Variants in RAD23B observed in about 807,000 individuals in gnomAD.
RAD23B encodes lysine-specific demethylase RAD23B.
In RAD23B, 5 loss-of-function variants were observed where a neutral mutation model predicts 49.1. The observed-to-expected ratio is 0.10, with a 90% CI of 0.05 to 0.21. The LOEUF (loss-of-function observed/expected upper bound fraction) is 0.21, where lower values mean the gene tolerates loss of function less well. Among genes scored for constraint, RAD23B ranks in the 10% least tolerant of loss-of-function variants. RAD23B has a pLI of 1.00. For synonymous variants in RAD23B, 184 were observed against 165.4 expected (o/e 1.11, Z -0.86); for missense variants, 356 against 486.7 (o/e 0.73, Z 2.53).
At position 107,326,627 on chromosome 9, in the gene RAD23B, C is replaced by CTTTTTTT. The variant is rs796381629; in HGVS notation, c.1116+1641_1116+1647dup. Among the ~76,000 whole-genome samples, 26 of 67,568 alleles carry CTTTTTTT rather than the reference C, an allele frequency of 3.8e-4. 2 individuals carry two copies. The highest frequency in any genetic ancestry group is 1.9e-3 in the East Asian group (3 of 1,596). The allele number at this position is 67,568 out of a possible 152,430, so 44.3% of individuals were successfully genotyped here. On this transcript the variant is annotated intron_variant, in intron 9 of 9. Transcript: ENST00000358015. ...ACTTGTCTATTCAACTTTTGTATTTCTTTTTTTTTTTTTTTTTTTTTTTTG... is the reference window on the plus strand; with the variant it reads ...ACTTGTCTATTCAACTTTTGTATTTCTTTTTTTTTTTTTTTTTTTTTTTTTTTTTTTG...
chr9:107,301,865 CTTGA>C (rs1432110597), intron 2 of RAD23B, among the ~76,000 whole-genome samples, 166 bp from the exon 3 acceptor site: 2 of 152,044 alleles, frequency 1.3e-5, no homozygotes, highest in Non-Finnish European at 2.9e-5. Context: ...TTATTTTTAT[CTTGA>C]TTGATTGGTT....
At chr9:107,311,318 TG>T (rs1423714678) in intron 4 of RAD23B, among the ~76,000 whole-genome samples, 3 of 152,224 alleles carry the variant, frequency 2.0e-5, no homozygotes, top group African/African-American at 7.2e-5. Flanking sequence ...ATATTTCTTC[TG>T]GTGTGACTTG....
At chr9:107,326,886 G>T (rs1450580042) in intron 9 of RAD23B, among the ~76,000 whole-genome samples, 2 of 151,788 alleles carry the variant, frequency 1.3e-5, no homozygotes, top group Non-Finnish European at 2.9e-5. Flanking sequence ...TGATCCACCC[G>T]CCTCGGCCTC....
chr9:107,309,930 CAAA>C (rs34745859), intron 4 of RAD23B, among the ~76,000 whole-genome samples: 1 of 75,452 alleles, frequency 1.3e-5, no homozygotes. Flanking sequence ...GACTCCATCT[CAAA>C]AAAAAAAAAA....
rs11573713 is a variant in RAD23B, at chr9:107,323,798, T to C, written c.818-92T>C. 15,445 of 1,168,364 alleles carry C rather than the reference T, an allele frequency of 0.013. 1,214 individuals carry two copies. The African/African-American group carries it at 0.19, about 15-fold the overall frequency. The allele number at this position is 1,168,364 out of a possible 1,614,324, so 72.4% of individuals were successfully genotyped here. A position where few individuals can be genotyped will look rare whatever the true frequency, so the allele number is the denominator to read the frequency against. ...ATCTGAGAACTCAAATCATTTTTTC[T>C]TTGATAGTGTTTGCTGTCTAAATGT... On this transcript the variant is annotated intron_variant, in intron 7 of 9. Transcript: ENST00000358015.
chr9:107,331,744 TTG>T lies in RAD23B; in HGVS notation c.*2092_*2093del, dbSNP rs1827314104. On this transcript the variant is annotated 3_prime_UTR_variant, in exon 10 of 10. Transcript: ENST00000358015. ...GTGACAGCAGAAGGTGGCATGGAGC[TTG>T]TGTCCTTGGACAACAAATCTGGATA... is the stretch of plus-strand genomic sequence containing the variant. 2 of 775,610 alleles carry T rather than the reference TTG, an allele frequency of 2.6e-6. No individual in the cohort carries two copies. Among genetic ancestry groups the T allele is most frequent in the Non-Finnish European group, 4.8e-6 (2 of 417,042 alleles). The allele number at this position is 775,610 out of a possible 1,614,324, so 48.0% of individuals were successfully genotyped here.
rs201887317 is a variant in RAD23B, at chr9:107,322,082, A to G, written c.781A>G (p.Thr261Ala). The change falls in exon 7 of 10, where the codon ACT becomes GCT. Residue 261 changes from threonine to alanine, a missense_variant. Around this residue, in one of 5 missense-constraint regions of RAD23B, gnomAD observed 148 missense variants for 231.7 expected, o/e 0.64. Transcript: ENST00000358015. ...TTCAGCAGTGGCTGCAGCTGCAGCAACTACGACAGCAACAACTACAACAAC... is the reference window on the plus strand; with the variant it reads ...TTCAGCAGTGGCTGCAGCTGCAGCAGCTACGACAGCAACAACTACAACAAC... Reference protein sequence around the residue: ...QSSAVAAAAATTTATTTTTSS... With the variant: ...QSSAVAAAAAATTATTTTTSS... The G allele has an allele frequency of 1.2e-5, 20 of 1,610,866 alleles. No homozygotes were observed. The highest frequency in any genetic ancestry group is 1.7e-5 in the Admixed American group (1 of 59,310).
At chr9:107,325,850 C>CT (rs1422737173) in intron 9 of RAD23B, among the ~76,000 whole-genome samples, 2 of 152,174 alleles carry the variant, frequency 1.3e-5, no homozygotes, top group Non-Finnish European at 2.9e-5. Flanking sequence ...TCTTTCATCA[C>CT]TAAGTATGAT....
intron 3 of RAD23B, among the ~76,000 whole-genome samples, chr9:107,305,743 C>T (rs1826749252): frequency 6.6e-6 from 1 of 151,956 alleles, no homozygotes; most frequent in Non-Finnish European, 1.5e-5. Context: ...GGATTTTCCT[C>T]CCTCTTCTAA....
intron 9 of RAD23B, among the ~76,000 whole-genome samples, chr9:107,328,437 G>A (rs1827249717): frequency 6.6e-6 from 1 of 152,104 alleles, no homozygotes; most frequent in Non-Finnish European, 1.5e-5. Context: ...GTTTTGGGAT[G>A]AAACTGTTTC....
At chr9:107,326,397 C>T (rs1337018956) in intron 9 of RAD23B, among the ~76,000 whole-genome samples, 5 of 148,018 alleles carry the variant, frequency 3.4e-5, no homozygotes, top group African/African-American at 7.5e-5. Flanking sequence ...AGGAGAATGG[C>T]GTGAACCCGG....
intron 1 of RAD23B, among the ~76,000 whole-genome samples, chr9:107,296,114 A>G (rs1381570153): frequency 1.3e-5 from 2 of 152,158 alleles, no homozygotes; most frequent in Non-Finnish European, 2.9e-5. Context: ...TTCTGTAAGT[A>G]TAGATTGGAT....
intron 1 of RAD23B, among the ~76,000 whole-genome samples, chr9:107,286,125 A>G (rs1444468338): frequency 2.6e-5 from 4 of 152,210 alleles, no homozygotes; most frequent in African/African-American, 4.8e-5. Flanking sequence ...ATTTTTACCT[A>G]GAAGGAACCA....
chr9:107,283,812 C>A, intron 1 of RAD23B, 117 bp downstream of exon 1: 1 of 1,021,890 alleles, frequency 9.8e-7, no homozygotes. Flanking sequence ...GCGATGAGGG[C>A]CCTGGGTCCT....
intron 1 of RAD23B, among the ~76,000 whole-genome samples, chr9:107,289,997 C>A (rs570653738): frequency 1.3e-5 from 2 of 152,302 alleles, no homozygotes; most frequent in South Asian, 4.1e-4. Flanking sequence ...AACATTAAGG[C>A]ACACTAAGGA....
chr9:107,314,699 T>C (rs1826957113), intron 5 of RAD23B, among the ~76,000 whole-genome samples: 1 of 152,234 alleles, frequency 6.6e-6, no homozygotes, highest in South Asian at 2.1e-4. Flanking sequence ...AGTAGTGGGA[T>C]TTCTGGATTA....
Position 107,331,713 on chromosome 9 carries a change from T to C in RAD23B, c.*2057T>C. 1 of 777,790 alleles carries C rather than the reference T, an allele frequency of 1.3e-6. No homozygotes were observed. Among genetic ancestry groups the C allele is most frequent in the South Asian group, 1.4e-5 (1 of 73,834 alleles). The allele number at this position is 777,790 out of a possible 1,614,324, so 48.2% of individuals were successfully genotyped here. A position where few individuals can be genotyped will look rare whatever the true frequency, so the allele number is the denominator to read the frequency against. On this transcript the variant is annotated 3_prime_UTR_variant, in exon 10 of 10. Transcript: ENST00000358015. ...ACAAAAAAAAAAAACAGCCTCTTCT[T>C]GGAAAGTGACAGCAGAAGGTGGCAT...
rs772480235 is a variant in RAD23B, at chr9:107,306,668, C to T, written c.497+21C>T. 1.0e-5 allele frequency: 16 copies of T among 1,591,520 alleles called. No individual in the cohort carries two copies. The East Asian group carries it at 3.4e-4, about 34-fold the overall frequency. ...GACAGGTAGGAACTGGATTCTAGGA[C>T]ATTCTATCTCAAAATCCGTGTTTAA... On this transcript the variant is annotated intron_variant, in intron 4 of 9. Coordinates refer to ENST00000358015, the MANE Select transcript of RAD23B (RefSeq NM_002874.5).
intron 5 of RAD23B, among the ~76,000 whole-genome samples, chr9:107,312,355 T>A (rs763221904): frequency 5.9e-5 from 9 of 152,168 alleles, no homozygotes; most frequent in Non-Finnish European, 1.3e-4. Flanking sequence ...TTGTTACTTT[T>A]AAATGGCAGG....
Sources: gnomAD v4.1 joint callset for allele counts (sites outside exome capture counted in the v4.1 genomes callset) on GRCh38, gnomAD v4.1.1 for gene constraint, gnomAD v4.1.1 regional missense constraint, MANE v1.5 for transcripts, NCBI Gene and HGNC (gene_info 2026-07-23, HGNC 2026-07-21) for gene names.